PTPRD: variants seen among roughly 807,000 people sequenced by gnomAD.
The protein encoded by PTPRD is protein tyrosine phosphatase receptor type D, also known as receptor-type tyrosine-protein phosphatase delta.
In PTPRD, 34 loss-of-function variants were observed where a neutral mutation model predicts 214.5. The observed-to-expected ratio is 0.16, with a 90% confidence interval of 0.12 to 0.21. The LOEUF (loss-of-function observed/expected upper bound fraction) is 0.21. Ranked by LOEUF, PTPRD falls within the 10% of genes least tolerant of loss-of-function variation. The pLI, the probability that PTPRD is intolerant of heterozygous loss-of-function variation, is 1.00. For synonymous variants in PTPRD, 1,128 were observed against 845.7 expected, an observed-to-expected ratio of 1.33 and a Z score of -5.79; for missense variants, 2,545 against 2,398.7, an observed-to-expected ratio of 1.06 and a Z score of -1.27.
At chr9:9,559,380 C>T (rs143311831) in intron 8 of PTPRD, among the ~76,000 whole-genome samples, 2 of 152,350 alleles carry the variant, frequency 1.3e-5, no homozygotes, top group East Asian at 1.9e-4. Context: ...AGCTCCCTCC[C>T]GCAGCTGGGA....
intron 11 of PTPRD, among the ~76,000 whole-genome samples, chr9:8,790,778 A>G (rs868184967): frequency 4.6e-5 from 7 of 151,236 alleles, no homozygotes; most frequent in African/African-American, 1.2e-4. Flanking sequence ...GAAAAAAAAA[A>G]GGGGGTAGTG....
chr9:9,678,526 A>T (rs909785631), intron 7 of PTPRD, among the ~76,000 whole-genome samples: 2 of 151,934 alleles, frequency 1.3e-5, no homozygotes, highest in South Asian at 2.1e-4. Flanking sequence ...ACAATAAAAA[A>T]TCCTTCGTAT....
intron 34 of PTPRD, 138 bp downstream of exon 34, chr9:8,449,587 T>A: frequency 1.4e-6 from 1 of 736,756 alleles, no homozygotes; most frequent in East Asian, 2.8e-5. Flanking sequence ...CTTGGGCAAG[T>A]CTCCATAATA....
chr9:8,755,529 CAAA>C, intron 11 of PTPRD, among the ~76,000 whole-genome samples: 1 of 88,478 alleles, frequency 1.1e-5, no homozygotes, highest in African/African-American at 3.1e-5. Context: ...AACTCTGTCT[CAAA>C]AAAAAAAAAA....
At chr9:10,264,055 T>G (rs1190775808) in intron 3 of PTPRD, among the ~76,000 whole-genome samples, 1 of 152,136 alleles carries the variant, frequency 6.6e-6, no homozygotes, top group Non-Finnish European at 1.5e-5. Flanking sequence ...AGTCAAGAAT[T>G]GAGGTTTGGG....
intron 39 of PTPRD, among the ~76,000 whole-genome samples, chr9:8,372,123 C>G (rs538916022): frequency 6.6e-6 from 1 of 152,108 alleles, no homozygotes; most frequent in Non-Finnish European, 1.5e-5. Context: ...TGTTCTCTCT[C>G]ACTGAGAAAA....
intron 9 of PTPRD, among the ~76,000 whole-genome samples, chr9:9,385,518 G>A (rs1050749802): frequency 6.6e-6 from 1 of 152,120 alleles, no homozygotes. Context: ...ATATTTTCAG[G>A]AAAGTGTGTG....
intron 8 of PTPRD, among the ~76,000 whole-genome samples, chr9:9,401,914 C>T (rs1446423547): frequency 6.6e-6 from 1 of 151,960 alleles, no homozygotes; most frequent in Non-Finnish European, 1.5e-5. Flanking sequence ...TTGTAAGTTT[C>T]CTGAGGCCTC....
intron 10 of PTPRD, among the ~76,000 whole-genome samples, chr9:9,143,349 T>C (rs1024418494): frequency 5.3e-5 from 8 of 152,210 alleles, no homozygotes; most frequent in South Asian, 2.1e-4. Context: ...TTTTGACTCT[T>C]ATTACAATGT....
intron 9 of PTPRD, among the ~76,000 whole-genome samples, chr9:9,258,451 C>A (rs569874839): frequency 1.6e-3 from 236 of 151,872 alleles, no homozygotes; most frequent in African/African-American, 5.3e-3. Flanking sequence ...AATACAACAG[C>A]CATTGAGGAT....
chr9:10,438,531 G>C (rs984317154), intron 2 of PTPRD, among the ~76,000 whole-genome samples: 5 of 151,604 alleles, frequency 3.3e-5, no homozygotes, highest in African/African-American at 1.2e-4. Context: ...CGATGTTTTT[G>C]TTTCCGCCAC....
At chr9:9,462,871 A>C (rs945169201) in intron 8 of PTPRD, among the ~76,000 whole-genome samples, 1 of 152,136 alleles carries the variant, frequency 6.6e-6, no homozygotes, top group African/African-American at 2.4e-5. Context: ...GTCTTTACCA[A>C]AAGTTCTTGT....
At chr9:10,125,064 C>T (rs914994074) in intron 3 of PTPRD, among the ~76,000 whole-genome samples, 5 of 152,184 alleles carry the variant, frequency 3.3e-5, no homozygotes, top group African/African-American at 1.2e-4. Flanking sequence ...AGGTGGTTGT[C>T]TGTTAGCCTA....
At chr9:9,801,197 T>G (rs2099037508) in intron 5 of PTPRD, among the ~76,000 whole-genome samples, 1 of 152,116 alleles carries the variant, frequency 6.6e-6, no homozygotes, top group Non-Finnish European at 1.5e-5. Flanking sequence ...AATTTTTAAA[T>G]CATTAGTACC....
intron 6 of PTPRD, among the ~76,000 whole-genome samples, chr9:9,741,408 A>T (rs2098400185): frequency 6.6e-6 from 1 of 151,652 alleles, no homozygotes; most frequent in Non-Finnish European, 1.5e-5. Context: ...TATGAACTTT[A>T]CAAGTTAACA....
At chr9:9,706,041 T>C (rs192241282) in intron 7 of PTPRD, among the ~76,000 whole-genome samples, 223 of 152,246 alleles carry the variant, frequency 1.5e-3, no homozygotes, top group African/African-American at 4.9e-3. Context: ...AAATTAATCA[T>C]GAGGATGAAG....
intron 3 of PTPRD, among the ~76,000 whole-genome samples, chr9:10,184,584 T>C (rs1194422031): frequency 6.6e-6 from 1 of 152,214 alleles, no homozygotes; most frequent in Non-Finnish European, 1.5e-5. Context: ...TATACTTTGA[T>C]AGCAATTCGT....
At chr9:9,448,335 G>T (rs2145015925) in intron 8 of PTPRD, among the ~76,000 whole-genome samples, 1 of 152,084 alleles carries the variant, frequency 6.6e-6, no homozygotes. Context: ...ACGTGTCGAG[G>T]GTGAGAGGTG....
intron 2 of PTPRD, among the ~76,000 whole-genome samples, chr9:10,354,946 TA>T (rs1255695361): frequency 6.6e-6 from 1 of 152,226 alleles, no homozygotes; most frequent in African/African-American, 2.4e-5. Context: ...GAAAATATGC[TA>T]AAATCAATTT....
Sources: allele counts gnomAD v4.1 joint callset (sites outside exome capture counted in the v4.1 genomes callset), GRCh38; gene constraint gnomAD v4.1.1; transcripts MANE v1.5; gene names NCBI Gene and HGNC (gene_info 2026-07-23, HGNC 2026-07-21).